Variants in NHERF4 observed in about 807,000 individuals in gnomAD.
NHERF4 encodes the protein NHERF family PDZ scaffold protein 4.
At chr11:119,187,617 G>T in the NHERF4 span, 1 of 1,580,970 alleles carries the variant, frequency 6.3e-7, no homozygotes, top group Non-Finnish European at 8.6e-7. Context: ...AGCTGAGCGG[G>T]CAGGGGTGCC....
chr11:119,188,502 G>A, the NHERF4 span: 3 of 1,607,534 alleles, frequency 1.9e-6, no homozygotes, highest in Non-Finnish European at 2.5e-6. Context: ...CAGGGCTCCT[G>A]TGTCTCCCTC....
At chr11:119,185,995 A>C in the NHERF4 span, 17 of 1,613,894 alleles carry the variant, frequency 1.1e-5, no homozygotes, top group African/African-American at 2.3e-4. Context: ...AAATAATTGG[A>C]GGCAGCGAAG....
chr11:119,188,481 G>A, the NHERF4 span: 1 of 1,610,682 alleles, frequency 6.2e-7, no homozygotes, highest in Non-Finnish European at 8.5e-7. Flanking sequence ...ACAGTGTCCA[G>A]GATCCAGGGG....
At chr11:119,187,479 G>C in the NHERF4 span, 5 of 1,613,580 alleles carry the variant, frequency 3.1e-6, no homozygotes, top group Non-Finnish European at 4.2e-6. Context: ...GAGGGTGCGA[G>C]GGGGCGGCAA....
the NHERF4 span, chr11:119,186,790 C>G: frequency 4.2e-6 from 5 of 1,181,052 alleles, no homozygotes; most frequent in African/African-American, 7.7e-5. This position sits in a 1 kb window ranked among gnomAD's most constrained non-coding sequence, Gnocchi z 4.4. Flanking sequence ...GCCTCACTCC[C>G]CCACACCCCA....
At chr11:119,189,193 T>A in the NHERF4 span, 1 of 1,608,848 alleles carries the variant, frequency 6.2e-7, no homozygotes, top group Non-Finnish European at 8.5e-7. This position sits in a 1 kb window ranked among gnomAD's most constrained non-coding sequence, Gnocchi z 5.8. Context: ...GGATTCCCCC[T>A]GGGGCTGCAG....
the NHERF4 span, chr11:119,187,246 C>T: frequency 6.4e-7 from 1 of 1,559,064 alleles, no homozygotes; most frequent in African/African-American, 1.4e-5. Context: ...AGACCAAACC[C>T]ACGCCCACGT....
chr11:119,189,774 G>T, the NHERF4 span: 1 of 531,242 alleles, frequency 1.9e-6, no homozygotes, highest in Non-Finnish European at 3.4e-6. The surrounding 1 kb of genome is among the most constrained non-coding windows in gnomAD (Gnocchi z 5.8). Context: ...GTGGCTGTGG[G>T]TCTGGCTAGG....
chr11:119,189,743 C>T, the NHERF4 span: 1 of 562,952 alleles, frequency 1.8e-6, no homozygotes, highest in Admixed American at 3.0e-5. The surrounding 1 kb of genome is among the most constrained non-coding windows in gnomAD (Gnocchi z 5.8). Context: ...TTTTAGAGAG[C>T]TGTGTCCCAA....
the NHERF4 span, chr11:119,187,358 G>C: frequency 6.2e-7 from 1 of 1,613,834 alleles, no homozygotes; most frequent in Non-Finnish European, 8.5e-7. Context: ...GCTCAGCTGG[G>C]AGAAGATGCC....
At chr11:119,188,782 A>G in the NHERF4 span, 2 of 1,614,200 alleles carry the variant, frequency 1.2e-6, no homozygotes, top group Admixed American at 3.3e-5. Context: ...GGCTCCCGAC[A>G]GTGCTTCCTG....
At chr11:119,189,530 C>G in the NHERF4 span, 2 of 1,607,740 alleles carry the variant, frequency 1.2e-6, no homozygotes, top group South Asian at 1.1e-5. The surrounding 1 kb of genome is among the most constrained non-coding windows in gnomAD (Gnocchi z 5.8). Context: ...CAGGGGCTAC[C>G]GTGTCTTCAC....
chr11:119,186,230 C>T, the NHERF4 span: 4 of 1,614,152 alleles, frequency 2.5e-6, no homozygotes, highest in Admixed American at 5.0e-5. This position sits in a 1 kb window ranked among gnomAD's most constrained non-coding sequence, Gnocchi z 4.4. Context: ...CACACGGCCT[C>T]CGATCTCCTT....
the NHERF4 span, chr11:119,188,115 G>A: frequency 2.5e-5 from 38 of 1,548,464 alleles, no homozygotes; most frequent in African/African-American, 1.2e-4. Flanking sequence ...TTCCTGCTCC[G>A]GGAGGAAAAG....
the NHERF4 span, chr11:119,189,210 GGAA>G: frequency 6.2e-7 from 1 of 1,602,990 alleles, no homozygotes; most frequent in South Asian, 1.1e-5. The surrounding 1 kb of genome is among the most constrained non-coding windows in gnomAD (Gnocchi z 5.8). Flanking sequence ...GCAGAGGTGA[GGAA>G]GAAGAAACAG....
At chr11:119,187,893 C>T in the NHERF4 span, 4 of 1,489,554 alleles carry the variant, frequency 2.7e-6, no homozygotes, top group South Asian at 2.7e-5. Context: ...CATACCTCTT[C>T]TCTCCCTGCC....
At chr11:119,187,164 A>AG in the NHERF4 span, 1 of 913,654 alleles carries the variant, frequency 1.1e-6, no homozygotes. Context: ...AAAAAGAAAA[A>AG]GAAAAAAAGC....
the NHERF4 span, chr11:119,185,725 G>T: frequency 1.2e-6 from 1 of 810,538 alleles, no homozygotes; most frequent in South Asian, 1.5e-5. Flanking sequence ...AAGGACTTGG[G>T]GGGAGAGAAA....
the NHERF4 span, chr11:119,189,985 G>T: frequency 2.6e-6 from 1 of 381,228 alleles, no homozygotes; most frequent in Non-Finnish European, 4.7e-6. This position sits in a 1 kb window ranked among gnomAD's most constrained non-coding sequence, Gnocchi z 5.8. Context: ...GGGGGTAAGG[G>T]GCAGTGGTGT....
Sources: gnomAD v4.1 joint callset for allele counts on GRCh38, gnomAD v4.1.1 for gene constraint, Gnocchi (gnomAD v3.1) non-coding constraint, MANE v1.5 for transcripts, NCBI Gene and HGNC (gene_info 2026-07-23, HGNC 2026-07-21) for gene names.